The following FZD6 variants were observed in gnomAD, a reference collection of about 807,000 sequenced individuals.
FZD6 encodes the protein frizzled-6.
Under a neutral mutation model 61.4 loss-of-function variants are expected in FZD6, and 49 were observed. The ratio of observed to expected loss-of-function variants is 0.80; its 90% CI spans 0.63 to 1.01. The LOEUF is 1.01. FZD6 is among the 50% of genes least tolerant of loss of function. The pLI is 0.00. For synonymous variants in FZD6, 265 were observed against 292.2 expected (o/e 0.91, Z 0.95); for missense variants, 724 against 848.2 (o/e 0.85, Z 1.82).
Position 103,328,299 on chromosome 8 carries a change from T to C in FZD6, c.1424T>C (p.Leu475Ser). ...AKAKARPELA[L>S]FMIKYLMTLI... is the part of the protein sequence containing the mutation. ...GCAAAAGCTCGACCAGAATTGGCTT[T>C]ATTTATGATAAAATACCTGATGACA... Residue 475 changes from leucine (L) to serine (S), a missense_variant, in exon 5 of 7, where the codon TTA (leucine) becomes TCA (serine). Coordinates refer to ENST00000358755, the MANE Select transcript of FZD6 (RefSeq NM_003506.4). 1 of 1,612,218 alleles carries C rather than the reference T, an allele frequency of 6.2e-7. No individual in the cohort carries two copies. Among genetic ancestry groups the C allele is most frequent in the Non-Finnish European group, 8.5e-7 (1 of 1,178,298 alleles).
chr8:103,308,871 C>T (rs1814416238), intron 2 of FZD6, among the ~76,000 whole-genome samples: 2 of 152,054 alleles, frequency 1.3e-5, no homozygotes, highest in South Asian at 4.2e-4. Context: ...AGCCAAGGTC[C>T]CTTTTAATTA....
intron 3 of FZD6, among the ~76,000 whole-genome samples, chr8:103,322,372 T>TAAAAA (rs11423905): frequency 1.6e-5 from 2 of 124,618 alleles, no homozygotes; most frequent in Non-Finnish European, 1.7e-5. Context: ...CAGTCTCCAT[T>TAAAAA]AAAAAAAAAA....
At chr8:103,306,648 G>A (rs1222983583) in intron 2 of FZD6, among the ~76,000 whole-genome samples, 2 of 151,414 alleles carry the variant, frequency 1.3e-5, no homozygotes, top group African/African-American at 2.4e-5. Context: ...GACTACAGGC[G>A]CCCGTCACCA....
chr8:103,323,396 T>C (rs376826617), intron 3 of FZD6, among the ~76,000 whole-genome samples: 5 of 151,914 alleles, frequency 3.3e-5, no homozygotes, highest in African/African-American at 1.2e-4. Context: ...TTATCTAAGG[T>C]ATATTTAAAA....
intron 4 of FZD6, among the ~76,000 whole-genome samples, chr8:103,327,822 A>C (rs1296032164): frequency 6.6e-6 from 1 of 152,128 alleles, no homozygotes; most frequent in African/African-American, 2.4e-5. Context: ...TACTTAATTT[A>C]CTTTAACCAA....
intron 2 of FZD6, among the ~76,000 whole-genome samples, chr8:103,311,335 A>T (rs538759122): frequency 6.6e-6 from 1 of 152,150 alleles, no homozygotes; most frequent in African/African-American, 2.4e-5. Context: ...TTAGGTGCCT[A>T]TGTTTTCATT....
In FZD6 at chr8:103,298,952, A is replaced by C. The variant is rs1366538800; in HGVS notation, c.-196A>C. 6.5e-6 allele frequency: 1 copy of C among 152,882 alleles called. No homozygotes were observed. Among genetic ancestry groups the C allele is most frequent in the Non-Finnish European group, 1.5e-5 (1 of 68,406 alleles). 9.5% of individuals were successfully genotyped at this position (152,882 alleles called of 1,614,324 possible). A position where few individuals can be genotyped will look rare whatever the true frequency, so the allele number is the denominator to read the frequency against. On this transcript the variant is annotated 5_prime_UTR_variant, in exon 1 of 7. Coordinates refer to ENST00000358755, the MANE Select transcript of FZD6 (RefSeq NM_003506.4). ...AGGTCCCTGGGGGGAACGGTGGGTTAGACGGGGACGGGAAGGGACAGCGGC... is the reference window on the plus strand; with the variant it reads ...AGGTCCCTGGGGGGAACGGTGGGTTCGACGGGGACGGGAAGGGACAGCGGC...
chr8:103,329,526 A>G, intron 5 of FZD6, 129 bp from the exon 6 acceptor site: 2 of 638,770 alleles, frequency 3.1e-6, no homozygotes, highest in East Asian at 2.7e-5. Context: ...ATTTTATAAT[A>G]TAAACCATAG....
Position 103,300,242 on chromosome 8 carries a change from G to T in FZD6, c.135G>T (p.Leu45=). ...MAYNMTFFPN[L]MGHYDQSIAA... Reference sequence around the variant, plus strand: ...ACAACATGACGTTTTTCCCTAATCTGATGGGTCATTATGACCAGAGTATTG... The same window carrying T: ...ACAACATGACGTTTTTCCCTAATCTTATGGGTCATTATGACCAGAGTATTG... The change falls in exon 2 of 7, where the codon CTG becomes CTT. Residue 45 remains leucine, a synonymous_variant. Transcript: ENST00000358755. 6.2e-7 allele frequency: 1 copy of T among 1,612,364 alleles called. No individual in the cohort carries two copies. The highest frequency in any genetic ancestry group is 8.5e-7 in the Non-Finnish European group (1 of 1,178,438).
intron 2 of FZD6, among the ~76,000 whole-genome samples, chr8:103,301,950 C>T (rs920324370): frequency 2.0e-5 from 3 of 152,042 alleles, no homozygotes; most frequent in Non-Finnish European, 4.4e-5. Flanking sequence ...GTTCTTACCT[C>T]TTTTATATGA....
chr8:103,320,580 A>G (rs1383354400), intron 3 of FZD6, among the ~76,000 whole-genome samples: 1 of 129,430 alleles, frequency 7.7e-6, no homozygotes, highest in African/African-American at 3.2e-5. Context: ...GAGGAGATCT[A>G]TCCCAATGAG....
At chr8:103,316,675 G>A (rs930693602) in intron 2 of FZD6, among the ~76,000 whole-genome samples, 7 of 152,088 alleles carry the variant, frequency 4.6e-5, no homozygotes, top group African/African-American at 7.2e-5. Context: ...GAATTTTATA[G>A]TCATTTTTTC....
At chr8:103,328,510 A>G (rs1815022107) in intron 5 of FZD6, 94 bp downstream of exon 5, 2 of 972,828 alleles carry the variant, frequency 2.1e-6, no homozygotes, top group Non-Finnish European at 3.2e-6. Flanking sequence ...GTTTCATTAT[A>G]TCAACTATTA....
intron 2 of FZD6, 72 bp downstream of exon 2, chr8:103,300,356 T>A: frequency 2.7e-6 from 3 of 1,125,320 alleles, no homozygotes; most frequent in Non-Finnish European, 4.1e-6. Flanking sequence ...TAAAAATAAG[T>A]CTATTTTTAA....
In FZD6 at chr8:103,303,900, G is replaced by A. The variant is rs148196680; in HGVS notation, c.177+3616G>A. ...AAGGAATTCAACTTTTGATCGGACCGTTGGATTATAAGCTATATGAGTCAG... is the reference window on the plus strand; with the variant it reads ...AAGGAATTCAACTTTTGATCGGACCATTGGATTATAAGCTATATGAGTCAG... On this transcript the variant is annotated intron_variant, in intron 2 of 6. Transcript: ENST00000358755. Among the ~76,000 whole-genome samples, 288 of 148,322 alleles carry A rather than the reference G, an allele frequency of 1.9e-3. 1 individual carries two copies. The highest frequency in any genetic ancestry group is 4.6e-3 in the African/African-American group (183 of 39,720).
intron 2 of FZD6, among the ~76,000 whole-genome samples, chr8:103,314,739 A>T (rs538956784): frequency 6.6e-6 from 1 of 152,302 alleles, no homozygotes; most frequent in South Asian, 2.1e-4. Flanking sequence ...TGTAGTCTGT[A>T]ATCAAGGCTT....
intron 2 of FZD6, among the ~76,000 whole-genome samples, chr8:103,310,484 C>T (rs1814464359): frequency 6.6e-6 from 1 of 152,148 alleles, no homozygotes; most frequent in East Asian, 1.9e-4. Context: ...CGGCTGGTCT[C>T]GACCTCCTGG....
chr8:103,329,699 T>C lies in FZD6; in HGVS notation c.1586T>C (p.Phe529Ser). The change falls in exon 6 of 7, where the codon TTT becomes TCT. Residue 529 changes from phenylalanine (F) to serine (S), a missense_variant. Phe to Ser is a radical substitution (Grantham distance 155). Transcript: ENST00000358755. ...SRRVLQESCE[F>S]FLKHNSKVKH... ...AGAGTACTACAGGAATCATGTGAGT[T>C]TTTCTTAAAGCACAATTCTAAAGTT... 6.2e-7 allele frequency: 1 copy of C among 1,612,338 alleles called. No homozygotes were observed. Among genetic ancestry groups the C allele is most frequent in the Non-Finnish European group, 8.5e-7 (1 of 1,178,742 alleles).
intron 2 of FZD6, among the ~76,000 whole-genome samples, chr8:103,303,550 A>G (rs1814233413): frequency 6.6e-6 from 1 of 152,132 alleles, no homozygotes; most frequent in Non-Finnish European, 1.5e-5. Flanking sequence ...AATACTAAGT[A>G]CAATGCCTCT....
Sources: allele counts gnomAD v4.1 joint callset (sites outside exome capture counted in the v4.1 genomes callset), GRCh38; gene constraint gnomAD v4.1.1; transcripts MANE v1.5; gene names NCBI Gene and HGNC (gene_info 2026-07-23, HGNC 2026-07-21).